The following TMC3 variants were observed in gnomAD, a reference collection of about 807,000 sequenced individuals.
The protein encoded by TMC3 is transmembrane channel like 3, also known as transmembrane channel-like protein 3.
A neutral mutation model predicts 110.6 loss-of-function variants in TMC3; 98 were observed. That is an observed-to-expected ratio of 0.89 (90% CI 0.75 to 1.05). The LOEUF (loss-of-function observed/expected upper bound fraction) is 1.05. TMC3 is among the 50% of genes least tolerant of loss of function. TMC3 has a pLI of 0.00. For missense variants in TMC3, 1,319 were observed against 1,373.2 expected (o/e 0.96, Z 0.62); for synonymous variants, 489 against 513.1 (o/e 0.95, Z 0.63).
At chr15:81,361,791 T>A (rs1188861740) in intron 4 of TMC3, 3 of 157,120 alleles carry the variant, frequency 1.9e-5, no homozygotes, top group African/African-American at 7.2e-5. Flanking sequence ...GTCAGTGTGA[T>A]CGTAGACATG....
At chr15:81,343,196 C>A in intron 15 of TMC3, 82 bp downstream of exon 15, 1 of 801,006 alleles carries the variant, frequency 1.2e-6, no homozygotes, top group South Asian at 1.5e-5. Flanking sequence ...GTGTTATGGT[C>A]GTGTCCCATC....
At chr15:81,337,712 G>T in intron 19 of TMC3, 134 bp downstream of exon 19, 1 of 732,630 alleles carries the variant, frequency 1.4e-6, no homozygotes, top group Non-Finnish European at 2.4e-6. Context: ...GGGATTGGTG[G>T]CCTTGCACCA....
rs186773177 is a variant in TMC3 at position 81,345,141 on chromosome 15, C to T, written c.1273-130G>A. 109 of 1,423,658 alleles carry T rather than the reference C, an allele frequency of 7.7e-5. No individual in the cohort carries two copies. In the African/African-American group the frequency reaches 1.4e-3, roughly 19 times the overall value. 88.2% of individuals were successfully genotyped at this position (1,423,658 alleles called of 1,614,324 possible). On this transcript the variant is annotated intron_variant, in intron 12 of 21. Coordinates refer to ENST00000359440, the MANE Select transcript of TMC3 (RefSeq NM_001080532.3). ...CATTGCTTGGGAGTAATCATTCATCCTCTTTCTCTTTCTAGACCATCACTT... is the reference window on the plus strand; with the variant it reads ...CATTGCTTGGGAGTAATCATTCATCTTCTTTCTCTTTCTAGACCATCACTT...
At chr15:81,334,165 A>G (rs1300935052) in intron 21 of TMC3, among the ~76,000 whole-genome samples, 1 of 152,078 alleles carries the variant, frequency 6.6e-6, no homozygotes, top group African/African-American at 2.4e-5. Flanking sequence ...TAACTTAGTC[A>G]TTATCTTTAA....
At chr15:81,370,759 C>A (rs1894416358) in intron 2 of TMC3, among the ~76,000 whole-genome samples, 1 of 151,178 alleles carries the variant, frequency 6.6e-6, no homozygotes, top group African/African-American at 2.4e-5. Flanking sequence ...ACTGCAACCT[C>A]TTCCTCCCGG....
At chr15:81,337,575 G>C (rs1893624573) in intron 19 of TMC3, 1 of 545,168 alleles carries the variant, frequency 1.8e-6, no homozygotes, top group Admixed American at 3.1e-5. Context: ...TGTGGTCACA[G>C]GGTGGGCACT....
chr15:81,341,133 GTA>G (rs1893704864), intron 16 of TMC3, among the ~76,000 whole-genome samples: 1 of 152,202 alleles, frequency 6.6e-6, no homozygotes, highest in Non-Finnish European at 1.5e-5. Context: ...TACGATTTGT[GTA>G]CTTTTTTTCT....
At chr15:81,351,609 C>T (rs1893951734) in intron 10 of TMC3, 85 bp downstream of exon 10, 3 of 1,497,196 alleles carry the variant, frequency 2.0e-6, no homozygotes, top group African/African-American at 2.8e-5. Flanking sequence ...GCCCCAGCCT[C>T]CCAAAGTGCT....
intron 3 of TMC3, among the ~76,000 whole-genome samples, chr15:81,366,421 G>A (rs897100190): frequency 2.0e-5 from 3 of 152,150 alleles, no homozygotes; most frequent in African/African-American, 7.2e-5. Flanking sequence ...AGAGAGGAGC[G>A]AGATAAAAAT....
intron 12 of TMC3, among the ~76,000 whole-genome samples, chr15:81,345,741 T>G (rs1375492244): frequency 2.0e-5 from 3 of 152,116 alleles, no homozygotes; most frequent in African/African-American, 7.2e-5. Context: ...GATGCAGCGG[T>G]GGCACGCAGC....
rs553225683 is a variant in TMC3 at position 81,359,036 on chromosome 15, GA to G, written c.501+328del. ...AGTTTTGCATTTTTAAGTGGTTGGG[GA>G]AAAAAATCAAAATAATTTATATAAA... On this transcript the variant is annotated intron_variant, in intron 5 of 21. Transcript: ENST00000359440. 1.7e-3 allele frequency among the ~76,000 whole-genome samples: 258 copies of G among 152,090 alleles called. 2 individuals carry two copies. Among genetic ancestry groups the G allele is most frequent in the African/African-American group, 5.9e-3 (243 of 41,512 alleles).
At chr15:81,341,900 T>G (rs1398530635) in intron 15 of TMC3, among the ~76,000 whole-genome samples, 2 of 152,220 alleles carry the variant, frequency 1.3e-5, no homozygotes, top group African/African-American at 2.4e-5. Flanking sequence ...TCAGGTTTAA[T>G]CAACATATTT....
At chr15:81,351,344 CTCTCTTTTT>C (rs1330029296) in intron 10 of TMC3, among the ~76,000 whole-genome samples, 2 of 145,668 alleles carry the variant, frequency 1.4e-5, no homozygotes, top group African/African-American at 5.3e-5. Context: ...GTCTCTCTCT[CTCTCTTTTT>C]TTTTTTTTTT....
At chr15:81,363,199 C>T (rs930626195) in intron 3 of TMC3, among the ~76,000 whole-genome samples, 8 of 151,328 alleles carry the variant, frequency 5.3e-5, no homozygotes, top group Admixed American at 1.3e-4. Flanking sequence ...TGCAGTGAGC[C>T]GAGACCGTGC....
Position 81,355,712 on chromosome 15 carries a change from T to C in TMC3, c.935+13A>G, listed in dbSNP as rs770744220. The stretch of plus-strand genomic sequence containing the variant: ...TTATCAATGAATTCAGCATGGGGAG[T>C]AATAATACCTACAGGTTTTTGCTTT... On this transcript the variant is annotated intron_variant, in intron 9 of 21. Coordinates refer to ENST00000359440, the MANE Select transcript of TMC3 (RefSeq NM_001080532.3). 1.1e-5 allele frequency: 18 copies of C among 1,577,258 alleles called. No individual in the cohort carries two copies. In the East Asian group the frequency reaches 4.1e-4, roughly 36 times the overall value.
chr15:81,333,339 GCA>G, intron 21 of TMC3, 77 bp from the exon 22 acceptor site: 1 of 1,524,074 alleles, frequency 6.6e-7, no homozygotes, highest in East Asian at 2.3e-5. Context: ...TGAGCTGTGA[GCA>G]GTTCTCTGAG....
chr15:81,333,276 G>A lies in TMC3; in HGVS notation c.2460-14C>T. 2 of 1,587,464 alleles carry A rather than the reference G, an allele frequency of 1.3e-6. No homozygotes were observed. The highest frequency in any genetic ancestry group is 1.7e-6 in the Non-Finnish European group (2 of 1,164,320). On this transcript the variant is annotated splice_polypyrimidine_tract_variant and intron_variant, in intron 21 of 21. Transcript: ENST00000359440. ...CCGTGCAGATACCTGTAAGACAGGG[G>A]CGGTTAAGTAGCTGTGGCCTTGGTG...
intron 10 of TMC3, among the ~76,000 whole-genome samples, chr15:81,351,419 C>T (rs1392328405): frequency 7.3e-6 from 1 of 136,512 alleles, no homozygotes; most frequent in Non-Finnish European, 1.5e-5. Context: ...GTGGCGTGAT[C>T]TTGGCTCACT....
intron 7 of TMC3, 113 bp from the exon 8 acceptor site, chr15:81,356,707 G>T: frequency 8.4e-7 from 1 of 1,184,666 alleles, no homozygotes; most frequent in Non-Finnish European, 1.2e-6. Flanking sequence ...CTGGGTGGAC[G>T]CAGCTCCTCG....
Sources: gnomAD v4.1 joint callset for allele counts (sites outside exome capture counted in the v4.1 genomes callset) on GRCh38, gnomAD v4.1.1 for gene constraint, MANE v1.5 for transcripts, NCBI Gene and HGNC (gene_info 2026-07-23, HGNC 2026-07-21) for gene names.